ZNF385B: variants seen among roughly 807,000 people sequenced by gnomAD.
ZNF385B encodes the protein zinc finger protein 533.
A neutral mutation model predicts 39.2 loss-of-function variants in ZNF385B; 23 were observed. The ratio of observed to expected loss-of-function variants is 0.59; its 90% confidence interval spans 0.42 to 0.83. The LOEUF (loss-of-function observed/expected upper bound fraction) is 0.83. ZNF385B is among the 40% of genes least tolerant of loss of function. ZNF385B has a pLI of 0.00. For synonymous variants in ZNF385B, 205 were observed against 222.6 expected, an observed-to-expected ratio of 0.92 and a Z score of 0.70; for missense variants, 552 against 598.9, an observed-to-expected ratio of 0.92 and a Z score of 0.82.
chr2:179,469,430 G>T (rs976036470), intron 6 of ZNF385B, among the ~76,000 whole-genome samples: 7 of 152,136 alleles, frequency 4.6e-5, no homozygotes, highest in Non-Finnish European at 1.0e-4. Context: ...GACTTGCCCC[G>T]AATTCTTTCT....
intron 6 of ZNF385B, among the ~76,000 whole-genome samples, chr2:179,448,062 T>C (rs1160796205): frequency 6.6e-6 from 1 of 152,042 alleles, no homozygotes; most frequent in Non-Finnish European, 1.5e-5. Context: ...AAATCTGGGT[T>C]TACTTAGAAT....
intron 3 of ZNF385B, among the ~76,000 whole-genome samples, chr2:179,726,816 A>C (rs1653353729): frequency 6.6e-6 from 1 of 152,094 alleles, no homozygotes; most frequent in African/African-American, 2.4e-5. Flanking sequence ...TATGTAATGC[A>C]CATAGGATAT....
At chr2:179,446,428 C>T (rs995605522) in intron 7 of ZNF385B, 97 bp downstream of exon 7, 2 of 1,471,398 alleles carry the variant, frequency 1.4e-6, no homozygotes, top group African/African-American at 2.8e-5. Context: ...AAGCATGGAA[C>T]AAACCTAAGG....
intron 3 of ZNF385B, among the ~76,000 whole-genome samples, chr2:179,547,696 C>G (rs1490965847): frequency 6.7e-6 from 1 of 149,628 alleles, no homozygotes; most frequent in South Asian, 2.1e-4. Context: ...TTTGGCTATT[C>G]TGGATCCTTT....
At position 179,574,800 on chromosome 2, in the gene ZNF385B, G is replaced by A. The variant is rs1033821725; in HGVS notation, c.299-29831C>T. On this transcript the variant is annotated intron_variant, in intron 3 of 9. Transcript: ENST00000410066. ...TTCTGAAGAGTTAGGGAAGGAAGGA[G>A]GGATGTTAGGGGGGAAGGGCTTTAC... is the stretch of plus-strand genomic sequence containing the variant. 3.9e-5 allele frequency among the ~76,000 whole-genome samples: 6 copies of A among 152,140 alleles called. No individual in the cohort carries two copies. In the East Asian group the frequency reaches 1.2e-3, roughly 29 times the overall value.
intron 3 of ZNF385B, among the ~76,000 whole-genome samples, chr2:179,733,655 T>C (rs1364446978): frequency 6.6e-6 from 1 of 151,796 alleles, no homozygotes; most frequent in East Asian, 1.9e-4. Flanking sequence ...CGGTGGCGGG[T>C]GCCTGTAGTC....
chr2:179,624,843 A>T (rs1283814126), intron 3 of ZNF385B, among the ~76,000 whole-genome samples: 3 of 152,160 alleles, frequency 2.0e-5, no homozygotes, highest in Non-Finnish European at 4.4e-5. Flanking sequence ...AACAATCATA[A>T]ATGCCTATCA....
intron 3 of ZNF385B, among the ~76,000 whole-genome samples, chr2:179,723,556 A>T (rs533101749): frequency 9.4e-4 from 143 of 152,314 alleles, no homozygotes; most frequent in African/African-American, 3.4e-3. Context: ...GAATCTTAAA[A>T]ATTATATTAT....
At chr2:179,802,704 G>C (rs1442384982) in intron 1 of ZNF385B, 4 of 152,052 alleles carry the variant, frequency 2.6e-5, no homozygotes, top group Non-Finnish European at 5.9e-5. Context: ...CTGTTTTGAA[G>C]CTGAATGACA....
intron 3 of ZNF385B, among the ~76,000 whole-genome samples, chr2:179,607,151 G>A (rs1440957110): frequency 6.6e-6 from 1 of 152,166 alleles, no homozygotes; most frequent in Non-Finnish European, 1.5e-5. Context: ...GGATGAATAA[G>A]AATGGGCCTG....
chr2:179,554,827 C>A (rs749305054), intron 3 of ZNF385B, among the ~76,000 whole-genome samples: 1 of 148,926 alleles, frequency 6.7e-6, no homozygotes, highest in Non-Finnish European at 1.5e-5. Flanking sequence ...AAGAATGGTT[C>A]AATTTGATGA....
chr2:179,553,793 C>A (rs1165739984), intron 3 of ZNF385B, among the ~76,000 whole-genome samples: 3 of 149,302 alleles, frequency 2.0e-5, no homozygotes, highest in Non-Finnish European at 4.4e-5. Context: ...TTTTAATATA[C>A]TAACAGGCAC....
In ZNF385B at chr2:179,442,828, G is replaced by C. The variant is rs547301280; in HGVS notation, c.*422C>G. On this transcript the variant is annotated 3_prime_UTR_variant, in exon 10 of 10. Transcript: ENST00000410066. ...CTAGAATACACCCAGTTGGATACCA[G>C]AGTTATTTACAGACATCTGAGGAAG... 2.8e-5 allele frequency: 7 copies of C among 250,606 alleles called. No homozygotes were observed. The highest frequency in any genetic ancestry group is 1.9e-4 in the South Asian group (4 of 21,490). 15.5% of individuals were successfully genotyped at this position (250,606 alleles called of 1,614,324 possible). A position where few individuals can be genotyped will look rare whatever the true frequency, so the allele number is the denominator to read the frequency against.
chr2:179,571,246 T>A (rs1383705848), intron 3 of ZNF385B, among the ~76,000 whole-genome samples: 1 of 152,156 alleles, frequency 6.6e-6, no homozygotes, highest in Non-Finnish European at 1.5e-5. Flanking sequence ...GAAATTGAGG[T>A]TCTGAGAGGT....
At chr2:179,631,319 C>A (rs909105319) in intron 3 of ZNF385B, among the ~76,000 whole-genome samples, 5 of 152,180 alleles carry the variant, frequency 3.3e-5, no homozygotes, top group African/African-American at 9.7e-5. Flanking sequence ...AACAGTGGAT[C>A]TCTCTGCACA....
At chr2:179,574,209 TA>T (rs1387231060) in intron 3 of ZNF385B, among the ~76,000 whole-genome samples, 2 of 152,164 alleles carry the variant, frequency 1.3e-5, no homozygotes, top group Non-Finnish European at 2.9e-5. Flanking sequence ...AGGGAAAATA[TA>T]GGTAAACCAC....
In ZNF385B at chr2:179,518,658, A is replaced by G. The variant is rs1454267121; in HGVS notation, c.442-20T>C. ...ATCCATCTGAAGAACAAATGAAAAA[A>G]TAGTCAATTTGTAACTTCAAAGAAA... On this transcript the variant is annotated intron_variant, in intron 4 of 9. Coordinates refer to ENST00000410066, the MANE Select transcript of ZNF385B (RefSeq NM_152520.6). 1 of 1,488,888 alleles carries G rather than the reference A, an allele frequency of 6.7e-7. No individual in the cohort carries two copies. The highest frequency in any genetic ancestry group is 9.1e-7 in the Non-Finnish European group (1 of 1,094,600). The allele number at this position is 1,488,888 out of a possible 1,614,324, so 92.2% of individuals were successfully genotyped here.
At chr2:179,783,896 T>C (rs1704828307) in intron 1 of ZNF385B, among the ~76,000 whole-genome samples, 1 of 152,162 alleles carries the variant, frequency 6.6e-6, no homozygotes, top group Non-Finnish European at 1.5e-5. Context: ...AGTTCAACCA[T>C]TGTGGAACAC....
intron 1 of ZNF385B, among the ~76,000 whole-genome samples, chr2:179,812,561 T>C (rs1338581321): frequency 2.0e-5 from 3 of 152,164 alleles, no homozygotes; most frequent in Non-Finnish European, 4.4e-5. Context: ...AAACATTGCA[T>C]GTTCTCACTT....
Sources: gnomAD v4.1 joint callset for allele counts (sites outside exome capture counted in the v4.1 genomes callset) on GRCh38, gnomAD v4.1.1 for gene constraint, MANE v1.5 for transcripts, NCBI Gene and HGNC (gene_info 2026-07-23, HGNC 2026-07-21) for gene names.